The following ZCCHC8 variants were observed in gnomAD, a reference collection of about 807,000 sequenced individuals.
ZCCHC8 encodes zinc finger CCHC domain-containing protein 8.
A neutral mutation model predicts 70.6 loss-of-function variants in ZCCHC8; 27 were observed. The ratio of observed to expected loss-of-function variants is 0.38; its 90% CI spans 0.28 to 0.53. ZCCHC8 has a LOEUF of 0.53. Among genes scored for constraint, ZCCHC8 ranks in the 20% least tolerant of loss-of-function variants. The probability of loss-of-function intolerance (pLI) is 0.81; values close to 1 mark genes in which losing one functional copy is unlikely to be tolerated. For synonymous variants in ZCCHC8, 293 were observed against 317.4 expected, an observed-to-expected ratio of 0.92 and a Z score of 0.82; for missense variants, 737 against 876.9, an observed-to-expected ratio of 0.84 and a Z score of 2.01.
In ZCCHC8 at chr12:122,473,146, A is replaced by C. The variant is rs1957345966; in HGVS notation, c.*351T>G. 1 of 190,286 alleles carries C rather than the reference A, an allele frequency of 5.3e-6. No homozygotes were observed. The highest frequency in any genetic ancestry group is 5.4e-5 in the Admixed American group (1 of 18,634). 11.8% of individuals were successfully genotyped at this position (190,286 alleles called of 1,614,324 possible). On this transcript the variant is annotated 3_prime_UTR_variant, in exon 14 of 14. Coordinates refer to ENST00000633063, the MANE Select transcript of ZCCHC8 (RefSeq NM_017612.5). ...TTTTAAAAAGTGATATATTAAACTTATATACAGGATAATTAGCAAAATGTA... is the reference window on the plus strand; with the variant it reads ...TTTTAAAAAGTGATATATTAAACTTCTATACAGGATAATTAGCAAAATGTA...
At chr12:122,484,719 C>T (rs980948992) in intron 5 of ZCCHC8, among the ~76,000 whole-genome samples, 2 of 151,956 alleles carry the variant, frequency 1.3e-5, no homozygotes, top group African/African-American at 4.8e-5. Flanking sequence ...ACACTGCCCT[C>T]TCTCTTGAAC....
At position 122,473,734 on chromosome 12, in the gene ZCCHC8, G is replaced by A. The variant is rs189695246; in HGVS notation, c.1887C>T (p.Val629=). The A allele has an allele frequency of 2.8e-5, 45 of 1,613,800 alleles. No homozygotes were observed. The highest frequency in any genetic ancestry group is 3.3e-5 in the Admixed American group (2 of 60,018). The change falls in exon 14 of 14, where the codon GTC becomes GTT. Residue 629 remains valine (V), a synonymous_variant. Transcript: ENST00000633063. ...CATTGCTGATGTCACAGTTTGGTAC[G>A]ACACTGCCATTATCAAGAAGGGCAC... The part of the protein sequence containing the change: ...TEGALLDNGS[V]VPNCDISNGG...
intron 4 of ZCCHC8, among the ~76,000 whole-genome samples, chr12:122,489,741 G>A (rs1412750613): frequency 6.6e-6 from 1 of 152,058 alleles, no homozygotes; most frequent in Non-Finnish European, 1.5e-5. Context: ...GGTCAATATT[G>A]ATAATATAAC....
At chr12:122,477,790 CAA>C (rs145158700) in intron 13 of ZCCHC8, 49 bp downstream of exon 13, 33,350 of 940,500 alleles carry the variant, frequency 0.035, no homozygotes, top group East Asian at 0.038. Context: ...GACTCCATCT[CAA>C]AAAAAAAAAA....
chr12:122,499,124 G>A, intron 1 of ZCCHC8: 1 of 507,476 alleles, frequency 2.0e-6, no homozygotes, highest in Non-Finnish European at 3.5e-6. Flanking sequence ...CTAACAAACT[G>A]AACCAAAACC....
At chr12:122,476,460 G>A (rs1957419484) in intron 13 of ZCCHC8, among the ~76,000 whole-genome samples, 1 of 151,944 alleles carries the variant, frequency 6.6e-6, no homozygotes, top group African/African-American at 2.4e-5. Context: ...TGGGTTTGGT[G>A]GCATATGCCT....
chr12:122,473,948 G>C lies in ZCCHC8; in HGVS notation c.1673C>G (p.Pro558Arg), dbSNP rs757732175. ...PLTGNSVASSPCPNELDLPVP... is the reference protein window; with the variant it reads ...PLTGNSVASSRCPNELDLPVP... The stretch of plus-strand genomic sequence containing the variant: ...AGGGAGGTCTAGCTCATTTGGACAA[G>C]GTGATGAGGCAACGGAATTGCCAGT... The change falls in exon 14 of 14, where the codon CCT becomes CGT. Residue 558 changes from proline (P) to arginine (R), a missense_variant. Coordinates refer to ENST00000633063, the MANE Select transcript of ZCCHC8 (RefSeq NM_017612.5). 1 of 1,609,600 alleles carries C rather than the reference G, an allele frequency of 6.2e-7. No homozygotes were observed. Among genetic ancestry groups the C allele is most frequent in the Non-Finnish European group, 8.5e-7 (1 of 1,178,558 alleles).
At chr12:122,499,464 C>T (rs1337099548) in intron 1 of ZCCHC8, 1 of 153,842 alleles carries the variant, frequency 6.5e-6, no homozygotes, top group Non-Finnish European at 1.4e-5. Flanking sequence ...GACGGGGTTT[C>T]ACCATGTTGG....
chr12:122,474,192 G>A lies in ZCCHC8; in HGVS notation c.1429C>T (p.Arg477Trp), dbSNP rs750242474. The A allele has an allele frequency of 1.6e-5, 24 of 1,512,256 alleles. No homozygotes were observed. In the African/African-American group the frequency reaches 2.0e-4, roughly 12 times the overall value. The allele number at this position is 1,512,256 out of a possible 1,614,324, so 93.7% of individuals were successfully genotyped here. ...PLPPDTPPLPRGTPPPVFTPP... is the reference protein window; with the variant it reads ...PLPPDTPPLPWGTPPPVFTPP... ...GTGAAGACGGGTGGAGGAGTTCCCC[G>A]GGGGAGTGGAGGAGTGTCAGGAGGT... The change falls in exon 14 of 14, where the codon CGG becomes TGG. Residue 477 changes from arginine to tryptophan, a missense_variant. Physicochemically the swap from Arg to Trp is moderately radical, Grantham distance 101 (BLOSUM62 -3). Coordinates refer to ENST00000633063, the MANE Select transcript of ZCCHC8 (RefSeq NM_017612.5).
At chr12:122,481,924 A>G in intron 9 of ZCCHC8, 21 bp downstream of exon 9, 1 of 1,605,332 alleles carries the variant, frequency 6.2e-7, no homozygotes. Context: ...ATGACCTTCT[A>G]TGGTAAAATG....
chr12:122,480,090 G>A (rs1036521813), intron 11 of ZCCHC8, 100 bp downstream of exon 11: 1 of 1,108,510 alleles, frequency 9.0e-7, no homozygotes, highest in Admixed American at 2.2e-5. Context: ...GGGATTACAG[G>A]TGTGAGCCAC....
chr12:122,474,003 C>A lies in ZCCHC8; in HGVS notation c.1618G>T (p.Asp540Tyr). 1.3e-6 allele frequency: 2 copies of A among 1,566,966 alleles called. No individual in the cohort carries two copies. The highest frequency in any genetic ancestry group is 1.7e-6 in the Non-Finnish European group (2 of 1,158,504). ...ALEQAESVNS[D>Y]SDVPVDTPLT... is the part of the protein sequence containing the mutation. ...GGTGTGTCCACAGGAACGTCGGAGT[C>A]GCTGTTTACGCTCTCGGCCTGCTCA... Residue 540 changes from aspartate (D) to tyrosine (Y), a missense_variant, in exon 14 of 14, where the codon GAC becomes TAC. Transcript: ENST00000633063.
At chr12:122,477,999 G>T in intron 12 of ZCCHC8, 41 bp from the exon 13 acceptor site, 1 of 1,471,282 alleles carries the variant, frequency 6.8e-7, no homozygotes, top group Non-Finnish European at 9.5e-7. Flanking sequence ...AAGCGGGGTA[G>T]ATAATGAATT....
In ZCCHC8 at chr12:122,483,390, T is replaced by C. The variant is rs759416745; in HGVS notation, c.606-46A>G. On this transcript the variant is annotated intron_variant, in intron 6 of 13. Transcript: ENST00000633063. The surrounding 1 kb of genome is among the most constrained non-coding windows in gnomAD (Gnocchi z 4.4). Reference sequence around the variant, plus strand: ...GAATAGTTATCATGGTCTGCAAAATTTGGAAATTGTTTTAAAGGTGAACTT... The same window carrying C: ...GAATAGTTATCATGGTCTGCAAAATCTGGAAATTGTTTTAAAGGTGAACTT... 2 of 1,571,358 alleles carry C rather than the reference T, an allele frequency of 1.3e-6. No homozygotes were observed. Among genetic ancestry groups the C allele is most frequent in the South Asian group, 2.3e-5 (2 of 85,558 alleles).
chr12:122,478,156 C>G, intron 12 of ZCCHC8, 50 bp downstream of exon 12: 9 of 1,444,942 alleles, frequency 6.2e-6, no homozygotes, highest in Non-Finnish European at 7.6e-6. Context: ...ATTACACAAT[C>G]TCGCAGACAC....
At chr12:122,484,229 A>T (rs1192862619) in intron 5 of ZCCHC8, 1 of 152,020 alleles carries the variant, frequency 6.6e-6, no homozygotes, top group East Asian at 1.9e-4. Context: ...AGAAGCTGGG[A>T]CCACAAGCAC....
chr12:122,496,524 T>C (rs891919488), intron 2 of ZCCHC8, among the ~76,000 whole-genome samples: 1 of 152,156 alleles, frequency 6.6e-6, no homozygotes, highest in Non-Finnish European at 1.5e-5. Flanking sequence ...AAATAAAACA[T>C]CTTTAACATA....
chr12:122,486,857 G>A (rs1190942834), intron 5 of ZCCHC8, among the ~76,000 whole-genome samples: 2 of 152,084 alleles, frequency 1.3e-5, no homozygotes, highest in South Asian at 2.1e-4. Flanking sequence ...GATGTGAGCC[G>A]CCGTGCCAGG....
chr12:122,489,497 A>G, intron 4 of ZCCHC8, 34 bp from the exon 5 acceptor site: 4 of 1,590,840 alleles, frequency 2.5e-6, no homozygotes, highest in Non-Finnish European at 2.6e-6. Context: ...TACAACCGGT[A>G]ACCAATTTTT....
Sources: allele counts gnomAD v4.1 joint callset (sites outside exome capture counted in the v4.1 genomes callset), GRCh38; gene constraint gnomAD v4.1.1; non-coding constraint Gnocchi (gnomAD v3.1); transcripts MANE v1.5; gene names NCBI Gene and HGNC (gene_info 2026-07-23, HGNC 2026-07-21).